The following SLC9A9 variants were observed in gnomAD, a reference collection of about 807,000 sequenced individuals.
SLC9A9 encodes solute carrier family 9 member A9.
In SLC9A9, 62 loss-of-function variants were observed where a neutral mutation model predicts 77.8. The observed-to-expected ratio is 0.80, with a 90% CI of 0.65 to 0.98. SLC9A9 has a LOEUF of 0.98. Among genes scored for constraint, SLC9A9 ranks in the 50% least tolerant of loss-of-function variants. SLC9A9 has a pLI of 0.00. For synonymous variants in SLC9A9, 320 were observed against 283.5 expected, an observed-to-expected ratio of 1.13 and a Z score of -1.29; for missense variants, 775 against 774.9, an observed-to-expected ratio of 1.00 and a Z score of 0.00.
At chr3:143,841,711 G>A (rs965503004) in intron 1 of SLC9A9, among the ~76,000 whole-genome samples, 3 of 151,972 alleles carry the variant, frequency 2.0e-5, no homozygotes, top group African/African-American at 7.2e-5. Context: ...TCAGAATATA[G>A]TTTATTCATT....
intron 5 of SLC9A9, among the ~76,000 whole-genome samples, chr3:143,652,932 G>A (rs2038825184): frequency 6.6e-6 from 1 of 152,086 alleles, no homozygotes; most frequent in South Asian, 2.1e-4. Flanking sequence ...CCAGCATTTG[G>A]ATCAAATCAC....
intron 4 of SLC9A9, among the ~76,000 whole-genome samples, chr3:143,708,757 C>T (rs113153499): frequency 3.2e-4 from 48 of 152,212 alleles, no homozygotes; most frequent in Non-Finnish European, 7.3e-5. Flanking sequence ...CTGTTCCCAT[C>T]TCCATTCCAT....
At chr3:143,822,546 C>G (rs1324974999) in intron 2 of SLC9A9, among the ~76,000 whole-genome samples, 3 of 152,202 alleles carry the variant, frequency 2.0e-5, no homozygotes, top group Admixed American at 1.3e-4. Context: ...GGTCCCCTCC[C>G]CTCCTGTGCC....
chr3:143,747,837 A>G (rs1420983067), intron 4 of SLC9A9, among the ~76,000 whole-genome samples: 2 of 152,224 alleles, frequency 1.3e-5, no homozygotes, highest in African/African-American at 2.4e-5. Context: ...GCTATAAGAA[A>G]TGAATACAAT....
chr3:143,661,752 T>C (rs764602734), intron 5 of SLC9A9, among the ~76,000 whole-genome samples: 9 of 152,150 alleles, frequency 5.9e-5, no homozygotes, highest in Non-Finnish European at 1.0e-4. Flanking sequence ...CTCGAACTCC[T>C]GACCTCAAAT....
chr3:143,632,732 G>C (rs556250540), intron 6 of SLC9A9, among the ~76,000 whole-genome samples: 1 of 152,302 alleles, frequency 6.6e-6, no homozygotes, highest in South Asian at 2.1e-4. Context: ...TGCAGCTAGA[G>C]GAAAGTTTCA....
intron 4 of SLC9A9, among the ~76,000 whole-genome samples, chr3:143,753,516 C>A (rs561170442): frequency 1.3e-5 from 2 of 152,342 alleles, no homozygotes; most frequent in African/African-American, 4.8e-5. Flanking sequence ...TTGCCTAATG[C>A]TGCACAAGCA....
At chr3:143,678,298 T>C (rs1280319085) in intron 5 of SLC9A9, among the ~76,000 whole-genome samples, 2 of 152,204 alleles carry the variant, frequency 1.3e-5, no homozygotes, top group Non-Finnish European at 2.9e-5. Flanking sequence ...CTTAAATGTA[T>C]TTTCTTTTTA....
At chr3:143,526,542 C>T (rs1223941094) in intron 9 of SLC9A9, among the ~76,000 whole-genome samples, 1 of 152,184 alleles carries the variant, frequency 6.6e-6, no homozygotes, top group Non-Finnish European at 1.5e-5. Flanking sequence ...AGGCCCCCTC[C>T]TGTCCCCCAA....
intron 14 of SLC9A9, among the ~76,000 whole-genome samples, chr3:143,329,741 C>A (rs1438206104): frequency 1.3e-5 from 2 of 152,144 alleles, no homozygotes; most frequent in Non-Finnish European, 2.9e-5. Flanking sequence ...TGTTCCTCTC[C>A]TCTTCCGAGG....
chr3:143,713,176 C>T (rs564267775), intron 4 of SLC9A9, among the ~76,000 whole-genome samples: 37 of 152,126 alleles, frequency 2.4e-4, no homozygotes, highest in East Asian at 7.7e-4. Flanking sequence ...GCAGATTTTT[C>T]GCAAAAGGAG....
intron 12 of SLC9A9, among the ~76,000 whole-genome samples, chr3:143,424,465 G>C (rs978360600): frequency 2.0e-5 from 3 of 151,884 alleles, no homozygotes; most frequent in Non-Finnish European, 4.4e-5. Context: ...TTTTAGTAGA[G>C]ACGGGGTTTC....
At chr3:143,439,812 A>ACT (rs771044906) in intron 12 of SLC9A9, among the ~76,000 whole-genome samples, 16,878 of 152,148 alleles carry the variant, frequency 0.11, 1,249 homozygotes, top group Non-Finnish European at 0.16. Flanking sequence ...GCAGGTGGGA[A>ACT]GGAGGTGGTT....
chr3:143,837,532 T>C (rs1026563363), intron 1 of SLC9A9, among the ~76,000 whole-genome samples: 2 of 152,160 alleles, frequency 1.3e-5, no homozygotes, highest in African/African-American at 4.8e-5. Context: ...AACCATGTAA[T>C]ATTATATAAT....
intron 15 of SLC9A9, among the ~76,000 whole-genome samples, chr3:143,267,196 T>C (rs1167394663): frequency 6.6e-6 from 1 of 152,090 alleles, no homozygotes; most frequent in African/African-American, 2.4e-5. Flanking sequence ...CCTCTTTGGG[T>C]TAAGGATGTT....
At chr3:143,288,452 G>A (rs1370022467) in intron 14 of SLC9A9, among the ~76,000 whole-genome samples, 1 of 152,120 alleles carries the variant, frequency 6.6e-6, no homozygotes, top group Non-Finnish European at 1.5e-5. Context: ...AACTTAGAAA[G>A]GAAACCTGAA....
intron 13 of SLC9A9, among the ~76,000 whole-genome samples, chr3:143,380,057 CGTT>C (rs1356715893): frequency 6.6e-6 from 1 of 152,090 alleles, no homozygotes; most frequent in African/African-American, 2.4e-5. Context: ...GAGAGGCAGA[CGTT>C]ATTATCATTT....
At chr3:143,727,297 C>T (rs1934679626) in intron 4 of SLC9A9, among the ~76,000 whole-genome samples, 1 of 151,736 alleles carries the variant, frequency 6.6e-6, no homozygotes. Context: ...GCTCTGCCAG[C>T]CATAAAATTT....
At chr3:143,650,349 G>A (rs994046015) in intron 6 of SLC9A9, among the ~76,000 whole-genome samples, 3 of 152,328 alleles carry the variant, frequency 2.0e-5, no homozygotes, top group Admixed American at 1.3e-4. Context: ...GAGGAAATAC[G>A]TGTGTGTAAA....
Sources: allele counts gnomAD v4.1 joint callset (sites outside exome capture counted in the v4.1 genomes callset), GRCh38; gene constraint gnomAD v4.1.1; transcripts MANE v1.5; gene names NCBI Gene and HGNC (gene_info 2026-07-23, HGNC 2026-07-21).